TECTA: variants seen among roughly 807,000 people sequenced by gnomAD.
TECTA encodes the protein tectorin alpha, also known as alpha-tectorin.
TECTA carries 128 observed loss-of-function variants against 216.8 expected under a neutral mutation model. The observed-to-expected ratio is 0.59, with a 90% CI of 0.51 to 0.68. The LOEUF (loss-of-function observed/expected upper bound fraction) is 0.68. Among genes scored for constraint, TECTA ranks in the 30% least tolerant of loss-of-function variants. The probability of loss-of-function intolerance (pLI) is 0.00; values close to 1 mark genes in which losing one functional copy is unlikely to be tolerated. For missense variants in TECTA, 2,551 were observed against 2,786.2 expected (o/e 0.92, Z 1.90); for synonymous variants, 1,089 against 1,117.1 (o/e 0.97, Z 0.50).
In TECTA at chr11:121,113,534, TCTTC is replaced by T; in HGVS notation, c.625-15_625-12del. ...GGAATTTTTGTACTCAAAAATCTTG[TCTTC>T]CTTTTGTGCTGCAGGCAGGATTTAA... On this transcript the variant is annotated splice_polypyrimidine_tract_variant and intron_variant, in intron 5 of 23. Transcript: ENST00000392793. The surrounding 1 kb of genome is among the most constrained non-coding windows in gnomAD (Gnocchi z 4.2). 6.2e-7 allele frequency: 1 copy of T among 1,614,038 alleles called. No individual in the cohort carries two copies. Among genetic ancestry groups the T allele is most frequent in the Non-Finnish European group, 8.5e-7 (1 of 1,180,016 alleles).
chr11:121,171,793 T>C (rs1947114925), intron 20 of TECTA, among the ~76,000 whole-genome samples: 1 of 152,248 alleles, frequency 6.6e-6, no homozygotes, highest in Non-Finnish European at 1.5e-5. Context: ...AATTTGTTTA[T>C]CTGTTCTAAG....
chr11:121,177,318 G>T (rs1385702479), intron 20 of TECTA, among the ~76,000 whole-genome samples: 1 of 152,208 alleles, frequency 6.6e-6, no homozygotes, highest in Non-Finnish European at 1.5e-5. Flanking sequence ...ATCTACTTTT[G>T]GTCTTTGATG....
intron 10 of TECTA, among the ~76,000 whole-genome samples, chr11:121,135,905 TAGGAAGTATGCCTACC>T (rs1373412734): frequency 6.6e-6 from 1 of 152,028 alleles, no homozygotes; most frequent in Admixed American, 6.5e-5. Context: ...TAGTGAGAAA[TAGGAAGTATGCCTACC>T]ACTACATGGT....
chr11:121,174,758 A>G (rs968932069), intron 20 of TECTA, among the ~76,000 whole-genome samples: 1 of 152,228 alleles, frequency 6.6e-6, no homozygotes, highest in African/African-American at 2.4e-5. Flanking sequence ...ATAGTTTCAG[A>G]AGGAATGGTA....
chr11:121,108,224 T>A (rs886702285), intron 3 of TECTA, among the ~76,000 whole-genome samples: 1 of 152,024 alleles, frequency 6.6e-6, no homozygotes. Context: ...GAATCTGTCT[T>A]TAGTACCCAT....
In TECTA at chr11:121,125,619, C is replaced by T. The variant is rs1946602289; in HGVS notation, c.1521C>T (p.Cys507=). ...WKCDSGCVDN[C]TQCDAATEAL... ...GCGACTCCGGCTGCGTCGACAACTG[C>T]ACCCAGTGCGACGCTGCCACTGAAG... The change falls in exon 8 of 24, where the codon TGC becomes TGT. Residue 507 remains cysteine, a synonymous_variant. Coordinates refer to ENST00000392793, the MANE Select transcript of TECTA (RefSeq NM_005422.4). 1.2e-6 allele frequency: 2 copies of T among 1,613,300 alleles called. No homozygotes were observed. Among genetic ancestry groups the T allele is most frequent in the South Asian group, 2.2e-5 (2 of 91,054 alleles).
chr11:121,112,841 T>A (rs1428209705), intron 4 of TECTA, among the ~76,000 whole-genome samples: 2 of 152,248 alleles, frequency 1.3e-5, no homozygotes, highest in Admixed American at 1.3e-4. Context: ...TGAGTCAGAC[T>A]CTGGGTTTAT....
chr11:121,150,400 T>C (rs1019517567), intron 12 of TECTA, among the ~76,000 whole-genome samples: 3 of 152,118 alleles, frequency 2.0e-5, no homozygotes, highest in Non-Finnish European at 2.9e-5. Flanking sequence ...ACAAAAATAC[T>C]AGAAGAAAAC....
chr11:121,177,986 T>C (rs1419089644), intron 20 of TECTA, among the ~76,000 whole-genome samples: 1 of 152,196 alleles, frequency 6.6e-6, no homozygotes, highest in African/African-American at 2.4e-5. Context: ...CTGAGCCAGG[T>C]GTGGGATATA....
chr11:121,101,448 T>C lies in TECTA; in HGVS notation c.-2+6T>C, dbSNP rs1205602058. ...CTCCAGCCTCTACAGAACAGGTTAG[T>C]GACATTTTTCATAAATACAAATATC... On this transcript the variant is annotated splice_donor_region_variant and intron_variant, in intron 1 of 23. Coordinates refer to ENST00000392793, the MANE Select transcript of TECTA (RefSeq NM_005422.4). 2 of 152,228 alleles carry C rather than the reference T, an allele frequency of 1.3e-5. No individual in the cohort carries two copies. The highest frequency in any genetic ancestry group is 4.8e-5 in the African/African-American group (2 of 41,464). 9.4% of individuals were successfully genotyped at this position (152,228 alleles called of 1,614,324 possible).
chr11:121,137,161 C>T (rs1357622817), intron 10 of TECTA, among the ~76,000 whole-genome samples: 3 of 152,138 alleles, frequency 2.0e-5, no homozygotes, highest in Non-Finnish European at 4.4e-5. Flanking sequence ...TGCACACTCG[C>T]ATGCACAGAT....
rs1591462262 is a variant in TECTA at position 121,164,126 on chromosome 11, T to C, written c.5273-1147T>C. Among the ~76,000 whole-genome samples, 5 of 151,990 alleles carry C rather than the reference T, an allele frequency of 3.3e-5. No individual in the cohort carries two copies. The South Asian group carries it at 1.0e-3, about 31-fold the overall frequency. On this transcript the variant is annotated intron_variant, in intron 16 of 23. Transcript: ENST00000392793. Reference sequence around the variant, plus strand: ...GTATGGAGCTGTGGGCAGCTTGGGATTTTTGTTTTGTTTTTAAATTCTGTT... The same window carrying C: ...GTATGGAGCTGTGGGCAGCTTGGGACTTTTGTTTTGTTTTTAAATTCTGTT...
intron 7 of TECTA, among the ~76,000 whole-genome samples, chr11:121,121,032 G>C (rs1426138833): frequency 6.6e-6 from 1 of 152,232 alleles, no homozygotes; most frequent in Non-Finnish European, 1.5e-5. Context: ...ACAGGCAGCA[G>C]GGAGAAGTGG....
intron 10 of TECTA, among the ~76,000 whole-genome samples, 143 bp from the exon 11 acceptor site, chr11:121,137,262 ACATGCATGCACAAATG>A (rs1276337199): frequency 2.6e-5 from 4 of 152,116 alleles, no homozygotes; most frequent in Non-Finnish European, 5.9e-5. Context: ...GTGCACACAC[ACATGCATGCACAAATG>A]CATGCATACA....
intron 14 of TECTA, 58 bp downstream of exon 14, chr11:121,158,282 G>C: frequency 6.3e-7 from 1 of 1,599,700 alleles, no homozygotes; most frequent in African/African-American, 1.3e-5. Flanking sequence ...GTTGGCTAGG[G>C]GACTGTGTAG....
intron 7 of TECTA, among the ~76,000 whole-genome samples, chr11:121,120,338 A>G (rs1238555066): frequency 7.2e-5 from 11 of 152,216 alleles, no homozygotes; most frequent in Non-Finnish European, 1.6e-4. Flanking sequence ...TGTGACTCCA[A>G]CTGCAAGCTA....
At position 121,168,198 on chromosome 11, in the gene TECTA, G is replaced by C. The variant is rs1322936665; in HGVS notation, c.5731G>C (p.Val1911Leu). Reference sequence around the variant, plus strand: ...GGATATCAAGATCTCCTTGGATTCTGTTGTGAAGCCTATGCTAAGGTAAGG... The same window carrying C: ...GGATATCAAGATCTCCTTGGATTCTCTTGTGAAGCCTATGCTAAGGTAAGG... ...ELDIKISLDS[V>L]VKPMLSVINL... The change falls in exon 19 of 24, where the codon GTT becomes CTT. Residue 1911 changes from valine (V) to leucine (L), a missense_variant. Val to Leu is a conservative substitution (Grantham distance 32). Around this residue, in one of 3 missense-constraint regions of TECTA, gnomAD observed 2,375 missense variants for 2,563.9 expected, o/e 0.93. Coordinates refer to ENST00000392793, the MANE Select transcript of TECTA (RefSeq NM_005422.4). The C allele has an allele frequency of 1.2e-6, 2 of 1,614,234 alleles. No homozygotes were observed. Among genetic ancestry groups the C allele is most frequent in the Admixed American group, 3.3e-5 (2 of 60,030 alleles).
intron 3 of TECTA, 58 bp from the exon 4 acceptor site, chr11:121,109,153 G>T: frequency 6.3e-7 from 1 of 1,592,912 alleles, no homozygotes; most frequent in South Asian, 1.1e-5. Flanking sequence ...CTTGGTTTGT[G>T]ACTCTGAAGT....
At chr11:121,106,398 G>A (rs7111483) in intron 3 of TECTA, among the ~76,000 whole-genome samples, 2 of 152,150 alleles carry the variant, frequency 1.3e-5, no homozygotes, top group Non-Finnish European at 2.9e-5. Flanking sequence ...ACACAGTAGG[G>A]GGGTAATCAA....
Sources: gnomAD v4.1 joint callset for allele counts (sites outside exome capture counted in the v4.1 genomes callset) on GRCh38, gnomAD v4.1.1 for gene constraint, gnomAD v4.1.1 regional missense constraint, Gnocchi (gnomAD v3.1) non-coding constraint, MANE v1.5 for transcripts, NCBI Gene and HGNC (gene_info 2026-07-23, HGNC 2026-07-21) for gene names.